The following LINGO1 variants were observed in gnomAD, a reference collection of about 807,000 sequenced individuals.
The protein encoded by LINGO1 is leucine-rich repeat and immunoglobulin-like domain-containing nogo receptor-interacting protein 1.
Under a neutral mutation model 37.3 loss-of-function variants are expected in LINGO1, and 11 were observed. The ratio of observed to expected loss-of-function variants is 0.29; its 90% CI spans 0.19 to 0.49. LINGO1 has a LOEUF of 0.49. Among genes scored for constraint, LINGO1 ranks in the 20% least tolerant of loss-of-function variants. The pLI is 0.99. For missense variants in LINGO1, 585 were observed against 878.2 expected (o/e 0.67, Z 4.22); for synonymous variants, 387 against 403.0 (o/e 0.96, Z 0.48).
At chr15:77,812,143 A>T (rs1289322427) in intron 1 of LINGO1, among the ~76,000 whole-genome samples, 1 of 152,204 alleles carries the variant, frequency 6.6e-6, no homozygotes, top group African/African-American at 2.4e-5. Context: ...TAAAAGCCTT[A>T]ACACATTCAG....
upstream of LINGO1, among the ~76,000 whole-genome samples, chr15:77,696,778 G>A (rs1298697543): frequency 1.3e-5 from 2 of 152,212 alleles, no homozygotes; most frequent in Non-Finnish European, 2.9e-5. Flanking sequence ...GAGCAGAACC[G>A]ACCCCTCTTC....
upstream of LINGO1, chr15:77,634,393 C>T (rs2074352938): frequency 1.1e-5 from 5 of 454,484 alleles, no homozygotes; most frequent in South Asian, 7.8e-5. Flanking sequence ...CCATCCTCAA[C>T]CTAGGCCTAG....
At position 77,803,417 on chromosome 15, in the gene LINGO1, C is replaced by T. The variant is rs182657039; in HGVS notation, c.-457-7364G>A. 7.2e-5 allele frequency among the ~76,000 whole-genome samples: 11 copies of T among 151,984 alleles called. No homozygotes were observed. In the East Asian group the frequency reaches 2.1e-3, roughly 29 times the overall value. On this transcript the variant is annotated intron_variant, in intron 1 of 5. Coordinates refer to the LINGO1 transcript ENST00000562933. ...GAGCTAAGACCACACCGCTGCACTC[C>T]CTGGGTGACAGAGCGAGACCCCATC...
At chr15:77,703,653 G>A (rs2075813172) in intron 2 of LINGO1, among the ~76,000 whole-genome samples, 1 of 152,170 alleles carries the variant, frequency 6.6e-6, no homozygotes, top group East Asian at 1.9e-4. Flanking sequence ...GGACCACAAT[G>A]CTCAAAATGC....
chr15:77,636,689 T>C (rs1308650082), upstream of LINGO1, among the ~76,000 whole-genome samples: 1 of 152,010 alleles, frequency 6.6e-6, no homozygotes, highest in Non-Finnish European at 1.5e-5. Context: ...GAGGTTGCCC[T>C]GGGGGGGTCT....
intron 1 of LINGO1, among the ~76,000 whole-genome samples, chr15:77,811,052 C>A (rs2077001510): frequency 6.7e-6 from 1 of 149,194 alleles, no homozygotes; most frequent in African/African-American, 2.5e-5. Flanking sequence ...TCAGGTGCAG[C>A]CCCAAGCCCC....
At chr15:77,687,151 G>A (rs1003899648) in intron 2 of LINGO1, among the ~76,000 whole-genome samples, 4 of 152,268 alleles carry the variant, frequency 2.6e-5, no homozygotes, top group East Asian at 3.9e-4. Context: ...TGTGAGGCTC[G>A]AATCAAGGCT....
At chr15:77,786,349 C>A (rs1317742672) in intron 1 of LINGO1, among the ~76,000 whole-genome samples, 1 of 152,174 alleles carries the variant, frequency 6.6e-6, no homozygotes, top group Admixed American at 6.5e-5. Context: ...TATTTCAGCT[C>A]CCACTTGGTC....
rs79074586 is a variant in LINGO1 at position 77,776,845 on chromosome 15, C to G, written c.-257+10024G>C. Among the ~76,000 whole-genome samples the G allele has an allele frequency of 5.0e-3, 759 of 152,242 alleles. 5 individuals are homozygous for G. Among genetic ancestry groups the G allele is most frequent in the African/African-American group, 0.018 (730 of 41,544 alleles). The stretch of plus-strand genomic sequence containing the variant: ...TTAACTAATATAAGCCTCATTAGAC[C>G]CCATGAGGTCAGCACTGCTAATACA... On this transcript the variant is annotated intron_variant, in intron 1 of 3. Transcript: ENST00000561686.
At chr15:77,709,600 A>G (rs900978767) in intron 2 of LINGO1, among the ~76,000 whole-genome samples, 1 of 152,206 alleles carries the variant, frequency 6.6e-6, no homozygotes, top group African/African-American at 2.4e-5. Context: ...GAAGGCAGAG[A>G]AAAACCCAGC....
intron 2 of LINGO1, among the ~76,000 whole-genome samples, chr15:77,683,264 T>C: frequency 6.6e-6 from 1 of 152,118 alleles, no homozygotes; most frequent in East Asian, 1.9e-4. Flanking sequence ...CACTCTCAGA[T>C]ACCAAGGGGG....
At chr15:77,707,090 C>T (rs561665391) in intron 2 of LINGO1, among the ~76,000 whole-genome samples, 4 of 152,274 alleles carry the variant, frequency 2.6e-5, no homozygotes, top group Middle Eastern at 3.4e-3. Flanking sequence ...TGGGTGTTCT[C>T]GAAACAAATT....
chr15:77,717,583 C>T (rs1380864903), intron 2 of LINGO1, among the ~76,000 whole-genome samples: 1 of 150,874 alleles, frequency 6.6e-6, no homozygotes, highest in East Asian at 2.1e-4. Context: ...GTCAGAAGCT[C>T]AGCCCCGATA....
chr15:77,782,526 C>T (rs2076730340), intron 1 of LINGO1, among the ~76,000 whole-genome samples: 1 of 152,186 alleles, frequency 6.6e-6, no homozygotes, highest in East Asian at 1.9e-4. Flanking sequence ...AGGCCCGATG[C>T]TCCACTTGCT....
intron 2 of LINGO1, among the ~76,000 whole-genome samples, chr15:77,793,021 G>A (rs1409400873): frequency 2.0e-5 from 3 of 152,128 alleles, no homozygotes; most frequent in Non-Finnish European, 4.4e-5. Context: ...TGGAAGAAAC[G>A]ACAAACCACC....
upstream of LINGO1, among the ~76,000 whole-genome samples, chr15:77,790,443 T>C (rs2076809547): frequency 6.6e-6 from 1 of 152,236 alleles, no homozygotes; most frequent in South Asian, 2.1e-4. Flanking sequence ...CCTGTAGCGA[T>C]GGCTGGAACA....
intron 1 of LINGO1, among the ~76,000 whole-genome samples, chr15:77,783,685 ATGCTGC>A (rs892170018): frequency 3.7e-4 from 57 of 152,178 alleles, no homozygotes; most frequent in Non-Finnish European, 1.0e-4. Context: ...AAACCGTGAG[ATGCTGC>A]TGCTGCTGCT....
intron 1 of LINGO1, among the ~76,000 whole-genome samples, chr15:77,776,549 G>GAA (rs2076655774): frequency 1.3e-5 from 2 of 149,616 alleles, no homozygotes; most frequent in African/African-American, 2.5e-5. Flanking sequence ...AGGGAGGGAG[G>GAA]GAGGGAGGGA....
upstream of LINGO1, among the ~76,000 whole-genome samples, chr15:77,697,184 C>T (rs2075707334): frequency 6.6e-6 from 1 of 152,178 alleles, no homozygotes; most frequent in Non-Finnish European, 1.5e-5. Context: ...TGGAGCAGCT[C>T]AGGCCAGGAA....
Sources: gnomAD v4.1 joint callset for allele counts (sites outside exome capture counted in the v4.1 genomes callset) on GRCh38, gnomAD v4.1.1 for gene constraint, MANE v1.5 for transcripts, NCBI Gene and HGNC (gene_info 2026-07-23, HGNC 2026-07-21) for gene names.